Variants in INCENP observed in about 807,000 individuals in gnomAD.
INCENP encodes the protein inner centromere protein, also known as binds and activates aurora-B and -C in vivo and in vitro.
Under a neutral mutation model 107.3 loss-of-function variants are expected in INCENP, and 43 were observed. That is an observed-to-expected ratio of 0.40 (90% CI 0.31 to 0.52). The LOEUF (loss-of-function observed/expected upper bound fraction) is 0.52, where lower values mean the gene tolerates loss of function less well. Ranked by LOEUF, INCENP falls within the 20% of genes least tolerant of loss-of-function variation. The pLI, the probability that INCENP is intolerant of heterozygous loss-of-function variation, is 0.53. For synonymous variants in INCENP, 488 were observed against 494.4 expected (o/e 0.99, Z 0.17); for missense variants, 1,089 against 1,250.9 (o/e 0.87, Z 1.95).
chr11:62,139,533 GCCT>G (rs1305003418), intron 7 of INCENP, among the ~76,000 whole-genome samples: 1 of 152,208 alleles, frequency 6.6e-6, no homozygotes, highest in African/African-American at 2.4e-5. Context: ...CTTGAACACG[GCCT>G]CCTCCTCTTT....
At chr11:62,133,595 G>A (rs1399488063) in intron 4 of INCENP, among the ~76,000 whole-genome samples, 1 of 152,214 alleles carries the variant, frequency 6.6e-6, no homozygotes, top group Non-Finnish European at 1.5e-5. Context: ...CACCAGACCA[G>A]CTCTGAGGCC....
rs147723011 is a variant in INCENP at position 62,137,085 on chromosome 11, G to A, written c.1064-747G>A. ...TTCTCTGCTCTGGACCAGGCGCAGT[G>A]GCTCACGCCTGTAATCCCAGCACTT... On this transcript the variant is annotated intron_variant, in intron 4 of 18. Coordinates refer to ENST00000394818, the MANE Select transcript of INCENP (RefSeq NM_001040694.2). Among the ~76,000 whole-genome samples the A allele has an allele frequency of 9.9e-3, 1,500 of 152,238 alleles. 16 individuals are homozygous for A. The highest frequency in any genetic ancestry group is 0.017 in the Non-Finnish European group (1,173 of 68,018).
chr11:62,143,950 C>T (rs3867138), intron 11 of INCENP, among the ~76,000 whole-genome samples: 27,596 of 152,254 alleles, frequency 0.18, 2,649 homozygotes, highest in Non-Finnish European at 0.23. Flanking sequence ...TGGCTGTGCC[C>T]CTGGGACTTT....
Position 62,137,742 on chromosome 11 carries a change from C to T in INCENP, c.1064-90C>T, listed in dbSNP as rs912023822. Reference sequence around the variant, plus strand: ...GCTAGTGATGGGAGCAGTGGCCAGGCCCTTGCTGGAACCCGGTCCCCTGGA... The same window carrying T: ...GCTAGTGATGGGAGCAGTGGCCAGGTCCTTGCTGGAACCCGGTCCCCTGGA... On this transcript the variant is annotated intron_variant, in intron 4 of 18. Coordinates refer to ENST00000394818, the MANE Select transcript of INCENP (RefSeq NM_001040694.2). 48 of 1,127,640 alleles carry T rather than the reference C, an allele frequency of 4.3e-5. No individual in the cohort carries two copies. In the South Asian group the frequency reaches 6.0e-4, roughly 14 times the overall value. The allele number at this position is 1,127,640 out of a possible 1,614,324, so 69.9% of individuals were successfully genotyped here. A position where few individuals can be genotyped will look rare whatever the true frequency, so the allele number is the denominator to read the frequency against.
intron 11 of INCENP, among the ~76,000 whole-genome samples, chr11:62,142,835 A>G (rs1168571233): frequency 3.3e-5 from 5 of 152,174 alleles, no homozygotes; most frequent in Non-Finnish European, 7.4e-5. Context: ...CGGTGTGGTA[A>G]TTAGGATCAG....
chr11:62,143,940 T>C (rs930241613), intron 11 of INCENP, among the ~76,000 whole-genome samples: 1 of 152,254 alleles, frequency 6.6e-6, no homozygotes, highest in Non-Finnish European at 1.5e-5. Context: ...CCCATTGCTG[T>C]GGCTGTGCCC....
chr11:62,139,213 TG>T (rs1944059440), intron 7 of INCENP, among the ~76,000 whole-genome samples: 1 of 151,982 alleles, frequency 6.6e-6, no homozygotes, highest in Non-Finnish European at 1.5e-5. Context: ...GAGTGCAGCA[TG>T]GGGGGCTGTG....
At chr11:62,132,425 G>A (rs939082074) in intron 4 of INCENP, among the ~76,000 whole-genome samples, 10 of 152,364 alleles carry the variant, frequency 6.6e-5, no homozygotes, top group South Asian at 4.1e-4. Flanking sequence ...GCCTGGGGAC[G>A]GGCCTGCTCC....
At position 62,146,644 on chromosome 11, in the gene INCENP, GCT is replaced by G. The variant is rs1156421171; in HGVS notation, c.1960-9_1960-8del. On this transcript the variant is annotated splice_polypyrimidine_tract_variant and intron_variant, in intron 14 of 18. Coordinates refer to ENST00000394818, the MANE Select transcript of INCENP (RefSeq NM_001040694.2). ...GGGCCTGGCCGCAGCACCTGACCTT[GCT>G]CTCTGTTTCAGGAGGAGGAAGAGCG... is the stretch of plus-strand genomic sequence containing the variant. 3 of 1,550,596 alleles carry G rather than the reference GCT, an allele frequency of 1.9e-6. No homozygotes were observed. In the Admixed American group the frequency reaches 5.9e-5, roughly 30 times the overall value.
chr11:62,148,350 C>T (rs546107548), intron 15 of INCENP, 126 bp from the exon 16 acceptor site: 24 of 835,574 alleles, frequency 2.9e-5, no homozygotes, highest in Middle Eastern at 4.6e-4. Flanking sequence ...GCTGGTTGCC[C>T]ATTCAGCAAT....
chr11:62,129,920 T>C lies in INCENP; in HGVS notation c.393T>C (p.Ala131=), dbSNP rs1167618717. 6.2e-7 allele frequency: 1 copy of C among 1,613,534 alleles called. No homozygotes were observed. Among genetic ancestry groups the C allele is most frequent in the Non-Finnish European group, 8.5e-7 (1 of 1,180,004 alleles). Residue 131 remains alanine (A), a synonymous_variant, in exon 4 of 19, where the codon GCT becomes GCC. Coordinates refer to ENST00000394818, the MANE Select transcript of INCENP (RefSeq NM_001040694.2). ...GTGTGACCCGTGCTGCGGCTGCAGCTGCCGCGGCTACCATGGCATTGGCTG... is the reference window on the plus strand; with the variant it reads ...GTGTGACCCGTGCTGCGGCTGCAGCCGCCGCGGCTACCATGGCATTGGCTG... ...LRRVTRAAAA[A]AAATMALAAP... is the part of the protein sequence containing the mutation.
rs934986342 is a variant in INCENP at position 62,152,889 on chromosome 11, T to G, written c.*913T>G. The stretch of plus-strand genomic sequence containing the variant: ...GTCCTGCCTGTGAGCTGCCTACTGC[T>G]GCCTTCTGAATGCATATATCTGCTA... On this transcript the variant is annotated 3_prime_UTR_variant, in exon 19 of 19. Transcript: ENST00000394818. The G allele has an allele frequency of 2.0e-5, 3 of 152,276 alleles. No homozygotes were observed. Among genetic ancestry groups the G allele is most frequent in the African/African-American group, 7.2e-5 (3 of 41,482 alleles). The allele number at this position is 152,276 out of a possible 1,614,324, so 9.4% of individuals were successfully genotyped here.
intron 15 of INCENP, among the ~76,000 whole-genome samples, chr11:62,147,463 C>G (rs1288515713): frequency 6.6e-6 from 1 of 152,148 alleles, no homozygotes; most frequent in Non-Finnish European, 1.5e-5. Context: ...GCATTTGTCC[C>G]TGGCCTACCC....
chr11:62,139,259 A>AT (rs1161001627), intron 7 of INCENP, among the ~76,000 whole-genome samples: 1 of 152,150 alleles, frequency 6.6e-6, no homozygotes, highest in Admixed American at 6.5e-5. Context: ...AAGGGGCTGC[A>AT]TCGGGGTATG....
At chr11:62,141,562 C>T (rs1258299058) in intron 11 of INCENP, 51 bp downstream of exon 11, 7 of 1,609,476 alleles carry the variant, frequency 4.3e-6, no homozygotes, top group South Asian at 2.2e-5. Context: ...AGCACTCACC[C>T]GCTGTAGCCC....
chr11:62,141,101 T>C (rs1590620733), intron 10 of INCENP, 57 bp downstream of exon 10: 1 of 1,565,694 alleles, frequency 6.4e-7, no homozygotes, highest in African/African-American at 1.4e-5. Context: ...TGGCTGAAGG[T>C]CCAGTCTGTC....
chr11:62,140,295 C>T lies in INCENP; in HGVS notation c.1343+10C>T, dbSNP rs368242270. Reference sequence around the variant, plus strand: ...CACCGCAGAGTGCCAGGTTTGCATCCGGGAAGGGGTGTGTAGGTAACTCTG... The same window carrying T: ...CACCGCAGAGTGCCAGGTTTGCATCTGGGAAGGGGTGTGTAGGTAACTCTG... On this transcript the variant is annotated intron_variant, in intron 8 of 18. Coordinates refer to ENST00000394818, the MANE Select transcript of INCENP (RefSeq NM_001040694.2). 8.0e-5 allele frequency: 129 copies of T among 1,612,148 alleles called. No individual in the cohort carries two copies. Among genetic ancestry groups the T allele is most frequent in the African/African-American group, 2.9e-4 (22 of 74,842 alleles).
At chr11:62,142,001 G>T (rs1944135724) in intron 11 of INCENP, among the ~76,000 whole-genome samples, 1 of 152,200 alleles carries the variant, frequency 6.6e-6, no homozygotes, top group Admixed American at 6.5e-5. Context: ...GCTGTGCTGG[G>T]TGACAGTAGA....
At chr11:62,128,394 C>T (rs1285886568) in intron 2 of INCENP, 93 bp downstream of exon 2, 1 of 1,426,744 alleles carries the variant, frequency 7.0e-7, no homozygotes, top group African/African-American at 1.4e-5. Flanking sequence ...CCCCGCCTAC[C>T]TGGCAAAACA....
Sources: allele counts gnomAD v4.1 joint callset (sites outside exome capture counted in the v4.1 genomes callset), GRCh38; gene constraint gnomAD v4.1.1; transcripts MANE v1.5; gene names NCBI Gene and HGNC (gene_info 2026-07-23, HGNC 2026-07-21).